The following CACNB1 variants were observed in gnomAD, a reference collection of about 807,000 sequenced individuals.
The protein encoded by CACNB1 is calcium voltage-gated channel auxiliary subunit beta 1, also known as voltage-dependent L-type calcium channel subunit beta-1.
A neutral mutation model predicts 71.6 loss-of-function variants in CACNB1; 29 were observed. The ratio of observed to expected loss-of-function variants is 0.40; its 90% CI spans 0.30 to 0.55. CACNB1 has a LOEUF of 0.55. CACNB1 is among the 20% of genes least tolerant of loss of function. CACNB1 has a pLI of 0.38. For missense variants in CACNB1, 623 were observed against 801.8 expected (o/e 0.78, Z 2.69); for synonymous variants, 300 against 319.6 (o/e 0.94, Z 0.65).
At chr17:39,178,155 G>A in intron 11 of CACNB1, 76 bp from the exon 12 acceptor site, 2 of 1,078,280 alleles carry the variant, frequency 1.9e-6, no homozygotes, top group Admixed American at 3.4e-5. Context: ...GGCGGGTCCT[G>A]GTTGGATCAG....
intron 3 of CACNB1, among the ~76,000 whole-genome samples, chr17:39,188,314 G>A (rs1038400391): frequency 3.3e-5 from 5 of 151,816 alleles, no homozygotes; most frequent in East Asian, 1.9e-4. Context: ...GGTGGCTCAC[G>A]CCTGTAATCC....
rs1202482554 is a variant in CACNB1, at chr17:39,194,274, C to A, written c.171+610G>T. Reference sequence around the variant, plus strand: ...CGCTTACTGACTGAGCACAGAAGACCCCAGAAAGCTATTCTCAGTTACACC... The same window carrying A: ...CGCTTACTGACTGAGCACAGAAGACACCAGAAAGCTATTCTCAGTTACACC... On this transcript the variant is annotated intron_variant, in intron 2 of 13. Coordinates refer to ENST00000394303, the MANE Select transcript of CACNB1 (RefSeq NM_000723.5). The surrounding 1 kb of genome is among the most constrained non-coding windows in gnomAD (Gnocchi z 4.6). Among the ~76,000 whole-genome samples, 1 of 152,100 alleles carries A rather than the reference C, an allele frequency of 6.6e-6. No individual in the cohort carries two copies. The highest frequency in any genetic ancestry group is 6.6e-5 in the Admixed American group (1 of 15,264).
chr17:39,194,913 CCGAG>C lies in CACNB1; in HGVS notation c.138_141del (p.Ser47IlefsTer34). On this transcript the variant is annotated frameshift_variant, in exon 2 of 14. Coordinates refer to ENST00000394303, the MANE Select transcript of CACNB1 (RefSeq NM_000723.5). LOFTEE classifies it high-confidence loss of function. The surrounding 1 kb of genome is among the most constrained non-coding windows in gnomAD (Gnocchi z 4.6). ...CGGACAAAGCTGTTGGATGTGGTATCCGAGGACGTGCTCCCATCTGACCGTTTGA... is the reference window on the plus strand; with the variant it reads ...CGGACAAAGCTGTTGGATGTGGTATCGACGTGCTCCCATCTGACCGTTTGA... 1 of 1,613,372 alleles carries C rather than the reference CCGAG, an allele frequency of 6.2e-7. No individual in the cohort carries two copies.
At position 39,174,800 on chromosome 17, in the gene CACNB1, CA is replaced by C. The variant is rs2045535874; in HGVS notation, c.*392del. ...GGCCTCCCTTTCCAGGAAAAGCGCC[CA>C]GCCCTTCCCCAGTACTGCAGCTTGG... On this transcript the variant is annotated 3_prime_UTR_variant, in exon 14 of 14. Transcript: ENST00000394303. The C allele has an allele frequency of 5.8e-6, 1 of 171,404 alleles. No homozygotes were observed. Among genetic ancestry groups the C allele is most frequent in the African/African-American group, 2.4e-5 (1 of 42,064 alleles). 10.6% of individuals were successfully genotyped at this position (171,404 alleles called of 1,614,324 possible).
At chr17:39,184,409 G>A in intron 8 of CACNB1, 26 bp from the exon 9 acceptor site, 1 of 529,608 alleles carries the variant, frequency 1.9e-6, no homozygotes, top group Non-Finnish European at 3.7e-6. Flanking sequence ...TGTGGGGAGG[G>A]AGGGAGGAGA....
chr17:39,174,620 G>C lies in CACNB1; in HGVS notation c.*573C>G, dbSNP rs1042549364. The C allele has an allele frequency of 1.3e-5, 2 of 153,164 alleles. No homozygotes were observed. The highest frequency in any genetic ancestry group is 4.8e-5 in the African/African-American group (2 of 41,398). 9.5% of individuals were successfully genotyped at this position (153,164 alleles called of 1,614,324 possible). Reference sequence around the variant, plus strand: ...CTGTATGCCTGCCAGCTTCCACCCAGAACCCTCCCCAAGACAAGCTCCCCA... The same window carrying C: ...CTGTATGCCTGCCAGCTTCCACCCACAACCCTCCCCAAGACAAGCTCCCCA... On this transcript the variant is annotated 3_prime_UTR_variant, in exon 14 of 14. Transcript: ENST00000394303.
rs987905518 is a variant in CACNB1, at chr17:39,184,337, C to T, written c.776G>A (p.Arg259Gln). The T allele has an allele frequency of 1.3e-5, 20 of 1,549,646 alleles. No individual in the cohort carries two copies. Among genetic ancestry groups the T allele is most frequent in the Admixed American group, 2.0e-5 (1 of 51,140 alleles). ...QKALFDFLKH[R>Q]FDGRISITRV... is the part of the protein sequence containing the mutation. ...CCCAGGATCTTACCTGCCATCAAAC[C>T]GATGCTTCAAGAAGTCAAATAAAGC... Residue 259 changes from arginine to glutamine, a missense_variant, in exon 9 of 14, where the codon CGG (arginine) becomes CAG (glutamine). Transcript: ENST00000394303.
chr17:39,186,209 A>G lies in CACNB1; in HGVS notation c.628+287T>C, dbSNP rs2045935687. ...CAGAACGCAGGGATGGGGATGGGGA[A>G]AAAAGAAAGAAGAAGAGGTGAATGG... On this transcript the variant is annotated intron_variant, in intron 6 of 13. Transcript: ENST00000394303. The surrounding 1 kb of genome is among the most constrained non-coding windows in gnomAD (Gnocchi z 4.1). The G allele has an allele frequency of 7.4e-6, 7 of 945,878 alleles. No homozygotes were observed. Among genetic ancestry groups the G allele is most frequent in the Admixed American group, 2.1e-5 (1 of 47,068 alleles). The allele number at this position is 945,878 out of a possible 1,614,324, so 58.6% of individuals were successfully genotyped here. A position where few individuals can be genotyped will look rare whatever the true frequency, so the allele number is the denominator to read the frequency against.
chr17:39,192,241 C>T (rs915709327), intron 2 of CACNB1: 1 of 152,808 alleles, frequency 6.5e-6, no homozygotes, highest in East Asian at 1.9e-4. Context: ...TGGTACAGAC[C>T]GAAGAGGCAA....
Position 39,186,756 on chromosome 17 carries a change from G to A in CACNB1, c.551+37C>T. 1.2e-6 allele frequency: 2 copies of A among 1,611,966 alleles called. No individual in the cohort carries two copies. Among genetic ancestry groups the A allele is most frequent in the Admixed American group, 1.7e-5 (1 of 59,974 alleles). On this transcript the variant is annotated intron_variant, in intron 5 of 13. Coordinates refer to ENST00000394303, the MANE Select transcript of CACNB1 (RefSeq NM_000723.5). The surrounding 1 kb of genome is among the most constrained non-coding windows in gnomAD (Gnocchi z 4.1). ...TCCAGGCTGTATGGCCTCTCCTGGG[G>A]TTGGCAGCATCCCCTTCCCCTGCCC...
rs559307773 is a variant in CACNB1, at chr17:39,184,400, G to T, written c.730-17C>A. 2.3e-6 allele frequency: 3 copies of T among 1,286,374 alleles called. No homozygotes were observed. Among genetic ancestry groups the T allele is most frequent in the African/African-American group, 1.5e-5 (1 of 68,098 alleles). The allele number at this position is 1,286,374 out of a possible 1,614,324, so 79.7% of individuals were successfully genotyped here. The stretch of plus-strand genomic sequence containing the variant: ...GTCTGTAACCTGGGGGTGGGGGTTT[G>T]TGGGGAGGGAGGGAGGAGAAGGCAG... On this transcript the variant is annotated splice_polypyrimidine_tract_variant and intron_variant, in intron 8 of 13. Transcript: ENST00000394303.
intron 3 of CACNB1, among the ~76,000 whole-genome samples, chr17:39,190,089 C>A (rs1462002258): frequency 2.0e-5 from 3 of 151,386 alleles, no homozygotes; most frequent in Admixed American, 2.0e-4. Context: ...GTACCCCAGC[C>A]TGGGCGGCAG....
rs1357894900 is a variant in CACNB1 at position 39,186,820 on chromosome 17, T to C, written c.524A>G (p.Lys175Arg). The C allele has an allele frequency of 6.2e-7, 1 of 1,614,062 alleles. No homozygotes were observed. The highest frequency in any genetic ancestry group is 1.1e-5 in the South Asian group (1 of 91,078). The change falls in exon 5 of 14, where the codon AAG becomes AGG. Residue 175 changes from lysine to arginine, a missense_variant. By Grantham distance (26) the Lys-to-Arg change is conservative (BLOSUM62 2). Coordinates refer to ENST00000394303, the MANE Select transcript of CACNB1 (RefSeq NM_000723.5). This position sits in a 1 kb window ranked among gnomAD's most constrained non-coding sequence, Gnocchi z 4.1. ...LDSLRLLQEQ[K>R]LRQNRLGSSK... ...GGAGCCGAGGCGGTTCTGGCGCAGC[T>C]TCTGTTCCTGCAGCAGGCGAAGGCT...
intron 3 of CACNB1, among the ~76,000 whole-genome samples, chr17:39,190,234 C>T (rs1002249636): frequency 4.6e-5 from 7 of 151,976 alleles, no homozygotes; most frequent in Admixed American, 3.9e-4. Flanking sequence ...CCAGCCTGGG[C>T]AACATAGCAA....
rs147277929 is a variant in CACNB1, at chr17:39,196,235, C to T, written c.84+1177G>A. Reference sequence around the variant, plus strand: ...CCTGGGGACCTTTCCAAGATCCTCCCCTCCCCGCCCTTCTCTCAAACCAGA... The same window carrying T: ...CCTGGGGACCTTTCCAAGATCCTCCTCTCCCCGCCCTTCTCTCAAACCAGA... On this transcript the variant is annotated intron_variant, in intron 1 of 13. Transcript: ENST00000394303. 4.1e-4 allele frequency among the ~76,000 whole-genome samples: 62 copies of T among 152,188 alleles called. No individual in the cohort carries two copies. In the East Asian group the frequency reaches 0.01, roughly 25 times the overall value.
chr17:39,185,181 G>T lies in CACNB1; in HGVS notation c.629-31C>A, dbSNP rs781284215. The T allele has an allele frequency of 5.0e-6, 8 of 1,606,198 alleles. No individual in the cohort carries two copies. In the South Asian group the frequency reaches 8.8e-5, roughly 18 times the overall value. ...TCCAGAGATTGCCAAGAGAGGGAAG[G>T]GGGAGGAGAGAGGGAAGGGGACCCA... On this transcript the variant is annotated intron_variant, in intron 6 of 13. Transcript: ENST00000394303.
At chr17:39,180,559 G>A (rs1266614120) in intron 11 of CACNB1, among the ~76,000 whole-genome samples, 1 of 151,788 alleles carries the variant, frequency 6.6e-6, no homozygotes, top group Non-Finnish European at 1.5e-5. Flanking sequence ...GGAGGCTGAG[G>A]CAGGAGAATC....
chr17:39,194,869 C>T lies in CACNB1; in HGVS notation c.171+15G>A. On this transcript the variant is annotated intron_variant, in intron 2 of 13. Coordinates refer to ENST00000394303, the MANE Select transcript of CACNB1 (RefSeq NM_000723.5). This position sits in a 1 kb window ranked among gnomAD's most constrained non-coding sequence, Gnocchi z 4.6. ...ACCAGCCACCTCCCTCCTCTCCGCC[C>T]AGCCTCCCCATTACCTGGCGGACAA... is the stretch of plus-strand genomic sequence containing the variant. 6.3e-7 allele frequency: 1 copy of T among 1,586,682 alleles called. No homozygotes were observed. Among genetic ancestry groups the T allele is most frequent in the Non-Finnish European group, 8.6e-7 (1 of 1,157,280 alleles).
chr17:39,195,504 G>A (rs940098407), intron 1 of CACNB1, among the ~76,000 whole-genome samples: 1 of 152,100 alleles, frequency 6.6e-6, no homozygotes, highest in East Asian at 1.9e-4. Context: ...TCTTCCCTTC[G>A]CTATTCACAG....
Sources: gnomAD v4.1 joint callset for allele counts (sites outside exome capture counted in the v4.1 genomes callset) on GRCh38, gnomAD v4.1.1 for gene constraint, Gnocchi (gnomAD v3.1) non-coding constraint, MANE v1.5 for transcripts, NCBI Gene and HGNC (gene_info 2026-07-23, HGNC 2026-07-21) for gene names.